The following DOCK7 variants were observed in gnomAD, a reference collection of about 807,000 sequenced individuals.
DOCK7 encodes the protein dedicator of cytokinesis protein 7.
A neutral mutation model predicts 271.0 loss-of-function variants in DOCK7; 138 were observed. That is an observed-to-expected ratio of 0.51 (90% CI 0.44 to 0.59). The LOEUF (loss-of-function observed/expected upper bound fraction) is 0.59. Among genes scored for constraint, DOCK7 ranks in the 20% least tolerant of loss-of-function variants. DOCK7 has a pLI of 0.00. For synonymous variants in DOCK7, 823 were observed against 876.1 expected, an observed-to-expected ratio of 0.94 and a Z score of 1.07; for missense variants, 2,066 against 2,592.4, an observed-to-expected ratio of 0.80 and a Z score of 4.41.
chr1:62,671,611 T>C (rs1660013349), intron 1 of DOCK7, among the ~76,000 whole-genome samples: 1 of 152,198 alleles, frequency 6.6e-6, no homozygotes, highest in East Asian at 1.9e-4. Context: ...TGATGTTGGT[T>C]TCTAACTGAT....
intron 48 of DOCK7, among the ~76,000 whole-genome samples, chr1:62,467,707 A>G (rs1369256986): frequency 2.6e-5 from 4 of 152,242 alleles, no homozygotes; most frequent in Admixed American, 2.6e-4. Context: ...TCCTATTGAC[A>G]TTATTCCACA....
intron 21 of DOCK7, 110 bp from the exon 22 acceptor site, chr1:62,553,011 G>T: frequency 7.1e-6 from 5 of 702,354 alleles, no homozygotes; most frequent in South Asian, 6.1e-5. Context: ...GAATTGCTTT[G>T]GTTTCTAAAT....
In DOCK7 at chr1:62,475,821, T is replaced by C. The variant is rs993891694; in HGVS notation, c.5847A>G (p.Leu1949=). Residue 1949 remains leucine (L), a synonymous_variant, in exon 46 of 50, where the codon TTA becomes TTG. Coordinates refer to ENST00000635253, the MANE Select transcript of DOCK7 (RefSeq NM_001367561.1). ...RRFMYCTPFT[L]DGRAHGELHE... Reference sequence around the variant, plus strand: ...GAAGTTCCCCATGGGCACGGCCATCTAAAGTAAAGGGTGTACAGTACATGA... The same window carrying C: ...GAAGTTCCCCATGGGCACGGCCATCCAAAGTAAAGGGTGTACAGTACATGA... 2.5e-6 allele frequency: 4 copies of C among 1,613,974 alleles called. No individual in the cohort carries two copies. The highest frequency in any genetic ancestry group is 3.4e-6 in the Non-Finnish European group (4 of 1,179,970).
In DOCK7 at chr1:62,457,675, G is replaced by A. The variant is rs1226990619; in HGVS notation, c.6243C>T (p.Ser2081=). ...ACTCCTTTTGATCCGGCCCAATTAA[G>A]CTCTTATTTTTTCTTAAGGCATCTT... ...RCEDALRKNK[S]LIGPDQKEYQ... Residue 2081 remains serine, a synonymous_variant, in exon 49 of 50, where the codon AGC becomes AGT. Coordinates refer to ENST00000635253, the MANE Select transcript of DOCK7 (RefSeq NM_001367561.1). 1.3e-5 allele frequency: 21 copies of A among 1,613,474 alleles called. No homozygotes were observed. Among genetic ancestry groups the A allele is most frequent in the African/African-American group, 1.2e-4 (9 of 74,828 alleles).
At chr1:62,582,026 T>C (rs1014300321) in intron 16 of DOCK7, among the ~76,000 whole-genome samples, 1 of 151,800 alleles carries the variant, frequency 6.6e-6, no homozygotes, top group South Asian at 2.1e-4. Context: ...AAAGCAGAGG[T>C]GAAAAGATTC....
At chr1:62,548,944 C>CAG (rs1321914215) in intron 22 of DOCK7, among the ~76,000 whole-genome samples, 1 of 152,090 alleles carries the variant, frequency 6.6e-6, no homozygotes, top group African/African-American at 2.4e-5. Context: ...TTTAGAACTC[C>CAG]AGAGAGAGAT....
At chr1:62,572,036 C>A (rs1015070840) in intron 18 of DOCK7, among the ~76,000 whole-genome samples, 1 of 152,084 alleles carries the variant, frequency 6.6e-6, no homozygotes, top group Non-Finnish European at 1.5e-5. Flanking sequence ...ACCTGCACAT[C>A]CTGCACATGT....
chr1:62,565,429 C>A (rs749698583), intron 18 of DOCK7, among the ~76,000 whole-genome samples: 10 of 152,088 alleles, frequency 6.6e-5, no homozygotes, highest in African/African-American at 1.4e-4. Flanking sequence ...TAAACGTAAT[C>A]CATCACATAA....
At chr1:62,574,282 ATGCTATCAT>A (rs1646876060) in intron 18 of DOCK7, among the ~76,000 whole-genome samples, 1 of 152,226 alleles carries the variant, frequency 6.6e-6, no homozygotes, top group Admixed American at 6.5e-5. Context: ...ACCACTGAAA[ATGCTATCAT>A]TGTTCTAACA....
chr1:62,530,019 C>T (rs927554885), intron 29 of DOCK7, among the ~76,000 whole-genome samples: 9 of 152,260 alleles, frequency 5.9e-5, no homozygotes, highest in African/African-American at 2.2e-4. Flanking sequence ...TTCAAATGGG[C>T]TAATACACTA....
At chr1:62,514,037 C>T in intron 31 of DOCK7, 139 bp from the exon 32 acceptor site, 1 of 711,868 alleles carries the variant, frequency 1.4e-6, no homozygotes, top group Non-Finnish European at 2.2e-6. Context: ...TTGATTCAGA[C>T]AACACTTGTA....
At chr1:62,606,475 C>G (rs1013067098) in intron 14 of DOCK7, among the ~76,000 whole-genome samples, 12 of 152,056 alleles carry the variant, frequency 7.9e-5, no homozygotes, top group African/African-American at 2.9e-4. Context: ...GTCTCCTGTC[C>G]TAACTACTTT....
intron 14 of DOCK7, among the ~76,000 whole-genome samples, chr1:62,593,659 T>C (rs566232117): frequency 1.3e-5 from 2 of 152,228 alleles, no homozygotes; most frequent in Non-Finnish European, 2.9e-5. Flanking sequence ...AACATGTTAA[T>C]AGTGAACACA....
intron 1 of DOCK7, among the ~76,000 whole-genome samples, chr1:62,671,533 G>T (rs1660005408): frequency 6.6e-6 from 1 of 152,052 alleles, no homozygotes; most frequent in Non-Finnish European, 1.5e-5. Context: ...GAGAGATACT[G>T]AATAAGAATG....
At chr1:62,598,231 GT>G (rs1250979677) in intron 14 of DOCK7, among the ~76,000 whole-genome samples, 2 of 151,676 alleles carry the variant, frequency 1.3e-5, no homozygotes, top group Non-Finnish European at 2.9e-5. Flanking sequence ...TTTCAAGTTA[GT>G]TTTTTGTTTC....
chr1:62,549,047 T>C (rs188685386), intron 22 of DOCK7, among the ~76,000 whole-genome samples: 8 of 152,166 alleles, frequency 5.3e-5, no homozygotes, highest in Middle Eastern at 3.4e-3. Context: ...AGGTAGAGTG[T>C]AGAGAGAAGA....
At chr1:62,587,427 G>T (rs1467568023) in intron 14 of DOCK7, among the ~76,000 whole-genome samples, 1 of 151,876 alleles carries the variant, frequency 6.6e-6, no homozygotes, top group Non-Finnish European at 1.5e-5. Context: ...ATGAAAACAG[G>T]TCTAAATTTT....
At chr1:62,456,305 G>T (rs1260741448) in intron 49 of DOCK7, among the ~76,000 whole-genome samples, 1 of 152,034 alleles carries the variant, frequency 6.6e-6, no homozygotes, top group Admixed American at 6.6e-5. Context: ...TGCTAAAGAA[G>T]AATTTTAAAC....
intron 1 of DOCK7, among the ~76,000 whole-genome samples, chr1:62,676,437 T>C (rs1242005296): frequency 6.6e-6 from 1 of 152,330 alleles, no homozygotes; most frequent in Non-Finnish European, 1.5e-5. Context: ...GTTCTAAAAC[T>C]AGATTGTGGA....
Sources: allele counts gnomAD v4.1 joint callset (sites outside exome capture counted in the v4.1 genomes callset), GRCh38; gene constraint gnomAD v4.1.1; transcripts MANE v1.5; gene names NCBI Gene and HGNC (gene_info 2026-07-23, HGNC 2026-07-21).